Variants in SHISA5 observed in about 807,000 individuals in gnomAD.
SHISA5 encodes protein shisa-5.
A neutral mutation model predicts 27.5 loss-of-function variants in SHISA5; 21 were observed. The observed-to-expected ratio is 0.76, with a 90% confidence interval of 0.54 to 1.10. The LOEUF (loss-of-function observed/expected upper bound fraction) is 1.10. Among genes scored for constraint, SHISA5 ranks in the 50% least tolerant of loss-of-function variants. SHISA5 has a pLI of 0.00. For missense variants in SHISA5, 314 were observed against 336.3 expected, an observed-to-expected ratio of 0.93 and a Z score of 0.52; for synonymous variants, 137 against 142.2, an observed-to-expected ratio of 0.96 and a Z score of 0.26.
At chr3:48,478,393 C>T (rs2040891330) in intron 3 of SHISA5, among the ~76,000 whole-genome samples, 1 of 152,194 alleles carries the variant, frequency 6.6e-6, no homozygotes, top group South Asian at 2.1e-4. Context: ...CCCAAGGTCT[C>T]TTCCTCCAAA....
chr3:48,480,742 G>C (rs1217678792), intron 2 of SHISA5, among the ~76,000 whole-genome samples: 1 of 152,212 alleles, frequency 6.6e-6, no homozygotes, highest in South Asian at 2.1e-4. Flanking sequence ...CTAAGTGACA[G>C]AGCAAGACTC....
In SHISA5 at chr3:48,469,013, C is replaced by G. The variant is rs1004546132; in HGVS notation, c.*94G>C. The G allele has an allele frequency of 1.3e-6, 2 of 1,595,362 alleles. No homozygotes were observed. Among genetic ancestry groups the G allele is most frequent in the African/African-American group, 2.7e-5 (2 of 74,748 alleles). On this transcript the variant is annotated 3_prime_UTR_variant, in exon 6 of 6. Transcript: ENST00000296444. This position sits in a 1 kb window ranked among gnomAD's most constrained non-coding sequence, Gnocchi z 4.6. The stretch of plus-strand genomic sequence containing the variant: ...GCGTAAGGAACCGTGCCTGGACACA[C>G]ACAGCACACATGGGGCGTAAGGAAC...
At chr3:48,503,988 G>A (rs1238998229) in intron 1 of SHISA5, 31 bp downstream of exon 1, 2 of 1,456,934 alleles carry the variant, frequency 1.4e-6, no homozygotes, top group Non-Finnish European at 9.1e-7. Context: ...CGGTCCCAGG[G>A]CAGGACGGGC....
chr3:48,486,375 TATATA>T (rs1346654884), intron 2 of SHISA5, among the ~76,000 whole-genome samples: 2 of 36,976 alleles, frequency 5.4e-5, no homozygotes, highest in East Asian at 5.9e-4. Context: ...TATTATATAA[TATATA>T]ATATGTTATA....
Position 48,504,057 on chromosome 3 carries a change from G to C in SHISA5, c.38C>G (p.Pro13Arg). Residue 13 changes from proline to arginine, a missense_variant, in exon 1 of 6, where the codon CCG (proline) becomes CGG (arginine). Physicochemically the swap from Pro to Arg is moderately radical, Grantham distance 103. Transcript: ENST00000296444. The surrounding 1 kb of genome is among the most constrained non-coding windows in gnomAD (Gnocchi z 4.0). ...CGTTAGCAGCAGCAGCAACAGCAAC[G>C]GCAACAGGATCCGCGGCGCGGGGAC... ...APVPAPRILL[P>R]LLLLLLLTPP... The C allele has an allele frequency of 2.1e-6, 3 of 1,444,440 alleles. No homozygotes were observed. Among genetic ancestry groups the C allele is most frequent in the Non-Finnish European group, 2.7e-6 (3 of 1,094,042 alleles). The allele number at this position is 1,444,440 out of a possible 1,614,324, so 89.5% of individuals were successfully genotyped here. A position where few individuals can be genotyped will look rare whatever the true frequency, so the allele number is the denominator to read the frequency against.
chr3:48,484,480 C>CCA (rs1193658957), intron 2 of SHISA5, among the ~76,000 whole-genome samples: 1 of 151,980 alleles, frequency 6.6e-6, no homozygotes, highest in African/African-American at 2.4e-5. Flanking sequence ...CCTGTAATTC[C>CCA]AGCTACTCAG....
At chr3:48,501,346 A>G in intron 1 of SHISA5, 53 bp from the exon 2 acceptor site, 1 of 1,585,454 alleles carries the variant, frequency 6.3e-7, no homozygotes, top group Non-Finnish European at 8.6e-7. Flanking sequence ...AGGCCCCAGC[A>G]GACACAGCGC....
chr3:48,479,248 G>A lies in SHISA5; in HGVS notation c.243C>T (p.Ala81=). 2 of 1,607,638 alleles carry A rather than the reference G, an allele frequency of 1.2e-6. No individual in the cohort carries two copies. ...CCAGCTGCTCCACCGGCTCTACACT[G>A]GCAGGCACGCTGCAAACAGGAAACC... ...RCAVPEASVP[A]SVEPVEQLGS... The change falls in exon 3 of 6, where the codon GCC becomes GCT. Residue 81 remains alanine, a synonymous_variant. Transcript: ENST00000296444.
intron 3 of SHISA5, among the ~76,000 whole-genome samples, chr3:48,477,600 G>A (rs749830509): frequency 3.3e-5 from 5 of 152,072 alleles, no homozygotes; most frequent in South Asian, 2.1e-4. Context: ...ATCCATTCAC[G>A]GCTAAAACTC....
rs559648119 is a variant in SHISA5, at chr3:48,474,275, C to T, written c.315-4432G>A. On this transcript the variant is annotated intron_variant, in intron 3 of 5. Transcript: ENST00000296444. ...GCTATTTTTTTATTTTTTGTAGAGA[C>T]AGGGTCTCACTGTGTTGCCCAGGCT... is the stretch of plus-strand genomic sequence containing the variant. Among the ~76,000 whole-genome samples the T allele has an allele frequency of 4.6e-5, 7 of 151,602 alleles. No individual in the cohort carries two copies. The South Asian group carries it at 1.5e-3, about 32-fold the overall frequency.
intron 2 of SHISA5, among the ~76,000 whole-genome samples, chr3:48,484,928 G>A (rs963334861): frequency 4.6e-5 from 7 of 152,088 alleles, no homozygotes; most frequent in Non-Finnish European, 1.0e-4. Context: ...GCAATGGCTC[G>A]TGCCTACAGG....
At position 48,473,475 on chromosome 3, in the gene SHISA5, A is replaced by G. The variant is rs984732394; in HGVS notation, c.315-3632T>C. 7.7e-7 allele frequency: 1 copy of G among 1,292,346 alleles called. No individual in the cohort carries two copies. Among genetic ancestry groups the G allele is most frequent in the African/African-American group, 1.5e-5 (1 of 65,922 alleles). The allele number at this position is 1,292,346 out of a possible 1,614,324, so 80.1% of individuals were successfully genotyped here. A position where few individuals can be genotyped will look rare whatever the true frequency, so the allele number is the denominator to read the frequency against. ...GCCTCCAGGAGGAGCTTCTGCATCCATCTAGGCCCAGAGGGCGACCCTGGG... is the reference window on the plus strand; with the variant it reads ...GCCTCCAGGAGGAGCTTCTGCATCCGTCTAGGCCCAGAGGGCGACCCTGGG... On this transcript the variant is annotated intron_variant, in intron 3 of 5. Coordinates refer to ENST00000296444, the MANE Select transcript of SHISA5 (RefSeq NM_016479.6). The surrounding 1 kb of genome is among the most constrained non-coding windows in gnomAD (Gnocchi z 4.3).
chr3:48,491,216 T>C (rs2041413627), intron 2 of SHISA5, among the ~76,000 whole-genome samples: 1 of 151,930 alleles, frequency 6.6e-6, no homozygotes, highest in Non-Finnish European at 1.5e-5. Flanking sequence ...CCTCCCAGGT[T>C]CACGCCATTC....
intron 2 of SHISA5, among the ~76,000 whole-genome samples, chr3:48,487,444 C>T (rs1412869614): frequency 3.9e-5 from 6 of 152,052 alleles, no homozygotes; most frequent in Non-Finnish European, 7.4e-5. Context: ...GTATGTTTTA[C>T]AGTTTATGGT....
In SHISA5 at chr3:48,473,324, C is replaced by T; in HGVS notation, c.315-3481G>A. ...CTGAGCCAAGCCTACAGGGCCTGAC[C>T]TCAGAATGCAGCCTGGCCACTAGGG... On this transcript the variant is annotated intron_variant, in intron 3 of 5. Transcript: ENST00000296444. This position sits in a 1 kb window ranked among gnomAD's most constrained non-coding sequence, Gnocchi z 4.3. 1 of 1,394,738 alleles carries T rather than the reference C, an allele frequency of 7.2e-7. No homozygotes were observed. Among genetic ancestry groups the T allele is most frequent in the Admixed American group, 2.3e-5 (1 of 43,910 alleles). 86.4% of individuals were successfully genotyped at this position (1,394,738 alleles called of 1,614,324 possible). A position where few individuals can be genotyped will look rare whatever the true frequency, so the allele number is the denominator to read the frequency against.
intron 3 of SHISA5, among the ~76,000 whole-genome samples, chr3:48,475,842 A>C (rs546383013): frequency 6.6e-6 from 1 of 152,346 alleles, no homozygotes; most frequent in African/African-American, 2.4e-5. Context: ...TAAGGCAAGA[A>C]TGGCTGGAGC....
chr3:48,503,138 G>A (rs1489190565), intron 1 of SHISA5: 34 of 1,289,696 alleles, frequency 2.6e-5, no homozygotes, highest in Non-Finnish European at 3.3e-5. Flanking sequence ...TGGTGGCTCA[G>A]GTGAACCCAT....
intron 3 of SHISA5, among the ~76,000 whole-genome samples, chr3:48,475,573 C>T (rs530234077): frequency 8.5e-5 from 13 of 152,290 alleles, no homozygotes; most frequent in African/African-American, 2.2e-4. Flanking sequence ...ACAGAAAGGA[C>T]GCTTTGAGGG....
chr3:48,481,598 G>C (rs2041017131), intron 2 of SHISA5, among the ~76,000 whole-genome samples: 1 of 151,882 alleles, frequency 6.6e-6, no homozygotes, highest in Non-Finnish European at 1.5e-5. Flanking sequence ...AGACCAGCCT[G>C]GCCAACGTGG....
Sources: allele counts gnomAD v4.1 joint callset (sites outside exome capture counted in the v4.1 genomes callset), GRCh38; gene constraint gnomAD v4.1.1; non-coding constraint Gnocchi (gnomAD v3.1); transcripts MANE v1.5; gene names NCBI Gene and HGNC (gene_info 2026-07-23, HGNC 2026-07-21).